PTPRN2: variants seen among roughly 807,000 people sequenced by gnomAD.
PTPRN2 encodes protein tyrosine phosphatase receptor type N2.
PTPRN2 carries 74 observed loss-of-function variants against 118.8 expected under a neutral mutation model. The ratio of observed to expected loss-of-function variants is 0.62; its 90% CI spans 0.52 to 0.76. PTPRN2 has a LOEUF of 0.76. PTPRN2 is among the 30% of genes least tolerant of loss of function. PTPRN2 has a pLI of 0.00. For synonymous variants in PTPRN2, 641 were observed against 608.0 expected, an observed-to-expected ratio of 1.05 and a Z score of -0.80; for missense variants, 1,481 against 1,394.4, an observed-to-expected ratio of 1.06 and a Z score of -0.99.
intron 11 of PTPRN2, among the ~76,000 whole-genome samples, chr7:158,023,188 G>T (rs905978281): frequency 6.6e-6 from 1 of 152,160 alleles, no homozygotes; most frequent in African/African-American, 2.4e-5. Flanking sequence ...ATGTCGACAA[G>T]GAGTAGCCAG....
intron 13 of PTPRN2, among the ~76,000 whole-genome samples, chr7:157,678,839 A>G (rs1796789064): frequency 6.6e-6 from 1 of 152,190 alleles, no homozygotes; most frequent in Non-Finnish European, 1.5e-5. Flanking sequence ...GGGCTGGCAG[A>G]ATACTAAACT....
intron 1 of PTPRN2, among the ~76,000 whole-genome samples, chr7:158,538,556 C>T (rs1825785700): frequency 1.3e-5 from 2 of 152,186 alleles, no homozygotes; most frequent in African/African-American, 2.4e-5. Context: ...TCACACATGG[C>T]GTCTCAAGTG....
chr7:158,321,230 G>A (rs1313591980), intron 2 of PTPRN2, among the ~76,000 whole-genome samples: 1 of 152,144 alleles, frequency 6.6e-6, no homozygotes, highest in Non-Finnish European at 1.5e-5. Context: ...ATCCCGGGAA[G>A]TGGCACACTG....
chr7:158,258,117 A>T (rs1411318814), intron 3 of PTPRN2, among the ~76,000 whole-genome samples: 1 of 152,222 alleles, frequency 6.6e-6, no homozygotes, highest in Non-Finnish European at 1.5e-5. Flanking sequence ...ACTAATCTCC[A>T]AGCGGGCACG....
At position 157,918,135 on chromosome 7, in the gene PTPRN2, C is replaced by T. The variant is rs536131888; in HGVS notation, c.1724-19398G>A. Among the ~76,000 whole-genome samples the T allele has an allele frequency of 5.9e-5, 9 of 152,284 alleles. No homozygotes were observed. The South Asian group carries it at 1.2e-3, about 21-fold the overall frequency. On this transcript the variant is annotated intron_variant, in intron 11 of 22. Transcript: ENST00000389418. ...TTGTCCTTTTCTTCAGACATTAGCACGGATGCTGGTAAAGACGTGCCTTCT... is the reference window on the plus strand; with the variant it reads ...TTGTCCTTTTCTTCAGACATTAGCATGGATGCTGGTAAAGACGTGCCTTCT...
intron 17 of PTPRN2, among the ~76,000 whole-genome samples, chr7:157,584,811 G>C (rs1800582721): frequency 6.6e-6 from 1 of 152,228 alleles, no homozygotes; most frequent in Non-Finnish European, 1.5e-5. Flanking sequence ...AGATTAAAGA[G>C]GAAGAAATAG....
intron 3 of PTPRN2, among the ~76,000 whole-genome samples, chr7:158,236,237 C>T (rs1829531892): frequency 6.6e-6 from 1 of 152,172 alleles, no homozygotes; most frequent in Admixed American, 6.5e-5. Flanking sequence ...AATGAAGATG[C>T]TGCTGACATT....
intron 1 of PTPRN2, among the ~76,000 whole-genome samples, chr7:158,491,720 C>A (rs1398959037): frequency 6.6e-6 from 1 of 152,270 alleles, no homozygotes; most frequent in Admixed American, 6.5e-5. Flanking sequence ...GAACTCCTGA[C>A]CTCAAGTGAT....
chr7:158,587,520 T>A (rs774867779), intron 1 of PTPRN2, 38 bp downstream of exon 1: 1 of 1,015,150 alleles, frequency 9.9e-7, no homozygotes, highest in Admixed American at 6.3e-5. Context: ...CCCCAACTAA[T>A]TCATTGAGGC....
At chr7:158,024,500 G>A (rs1807124498) in intron 11 of PTPRN2, among the ~76,000 whole-genome samples, 1 of 152,112 alleles carries the variant, frequency 6.6e-6, no homozygotes, top group Non-Finnish European at 1.5e-5. Flanking sequence ...GGCATTCCCT[G>A]GGCACACAGG....
chr7:157,888,669 C>T (rs28636007), intron 12 of PTPRN2, among the ~76,000 whole-genome samples: 18,385 of 152,048 alleles, frequency 0.12, 1,152 homozygotes, highest in East Asian at 0.19. Context: ...CACCATGCCA[C>T]GCAGAATCTT....
chr7:158,494,844 T>C (rs1821711558), intron 1 of PTPRN2, among the ~76,000 whole-genome samples: 1 of 152,146 alleles, frequency 6.6e-6, no homozygotes, highest in Non-Finnish European at 1.5e-5. Context: ...CACCACTCAC[T>C]TGGTACAAGG....
At chr7:158,572,040 T>C (rs1000291404) in intron 1 of PTPRN2, among the ~76,000 whole-genome samples, 4 of 152,096 alleles carry the variant, frequency 2.6e-5, no homozygotes, top group African/African-American at 7.2e-5. Flanking sequence ...GCACAGAAGG[T>C]TCTGAAAGGC....
chr7:157,931,954 T>C (rs546867411), intron 11 of PTPRN2, among the ~76,000 whole-genome samples: 2 of 152,324 alleles, frequency 1.3e-5, no homozygotes, highest in South Asian at 4.1e-4. Flanking sequence ...TATGTTATTT[T>C]AACATACGTC....
chr7:158,213,075 G>A (rs1372206384), intron 3 of PTPRN2, among the ~76,000 whole-genome samples: 26 of 152,072 alleles, frequency 1.7e-4, no homozygotes, highest in Non-Finnish European at 1.5e-5. Flanking sequence ...TAACACTTTA[G>A]CACTTAGAAC....
chr7:157,759,700 C>T (rs1244319358), intron 12 of PTPRN2, among the ~76,000 whole-genome samples: 3 of 152,234 alleles, frequency 2.0e-5, no homozygotes, highest in Non-Finnish European at 2.9e-5. Context: ...AAGTTCTGGA[C>T]TCATGACTTT....
At chr7:158,356,175 C>T (rs1808369787) in intron 2 of PTPRN2, among the ~76,000 whole-genome samples, 1 of 152,152 alleles carries the variant, frequency 6.6e-6, no homozygotes. Flanking sequence ...ACTGCCATTT[C>T]TGAAAATAAA....
chr7:157,895,084 G>C (rs1278283412), intron 12 of PTPRN2, among the ~76,000 whole-genome samples: 1 of 152,122 alleles, frequency 6.6e-6, no homozygotes, highest in Non-Finnish European at 1.5e-5. Context: ...GATGTGATGA[G>C]CAGGAGCTGT....
At chr7:158,129,419 A>G (rs929110882) in intron 9 of PTPRN2, among the ~76,000 whole-genome samples, 1 of 151,298 alleles carries the variant, frequency 6.6e-6, no homozygotes. Context: ...TGCAACACAT[A>G]CCACACCATG....
Sources: gnomAD v4.1 joint callset for allele counts (sites outside exome capture counted in the v4.1 genomes callset) on GRCh38, gnomAD v4.1.1 for gene constraint, MANE v1.5 for transcripts, NCBI Gene and HGNC (gene_info 2026-07-23, HGNC 2026-07-21) for gene names.